Variants in TPST2 observed in about 807,000 individuals in gnomAD.
The protein encoded by TPST2 is tyrosylprotein sulfotransferase 2.
A neutral mutation model predicts 27.8 loss-of-function variants in TPST2; 16 were observed. The ratio of observed to expected loss-of-function variants is 0.58; its 90% CI spans 0.39 to 0.88. The LOEUF (loss-of-function observed/expected upper bound fraction) is 0.88. Among genes scored for constraint, TPST2 ranks in the 40% least tolerant of loss-of-function variants. The pLI, the probability that TPST2 is intolerant of heterozygous loss-of-function variation, is 0.00. For missense variants in TPST2, 464 were observed against 543.1 expected (o/e 0.85, Z 1.45); for synonymous variants, 229 against 231.7 (o/e 0.99, Z 0.10).
intron 1 of TPST2, among the ~76,000 whole-genome samples, chr22:26,559,443 T>C (rs1255872144): frequency 2.6e-5 from 4 of 151,236 alleles, no homozygotes; most frequent in East Asian, 3.9e-4. Context: ...CACAGGTTTC[T>C]AGTATGTGCA....
At chr22:26,552,551 G>A (rs1293758883) in intron 1 of TPST2, among the ~76,000 whole-genome samples, 2 of 152,070 alleles carry the variant, frequency 1.3e-5, no homozygotes, top group Non-Finnish European at 2.9e-5. Flanking sequence ...CTCTCTTGGG[G>A]GTAGGCAAGC....
At chr22:26,527,073 T>G (rs1308896581) in intron 6 of TPST2, among the ~76,000 whole-genome samples, 1 of 152,188 alleles carries the variant, frequency 6.6e-6, no homozygotes, top group Non-Finnish European at 1.5e-5. Flanking sequence ...GGTGAGACTC[T>G]GTCTCAAAAA....
Position 26,541,032 on chromosome 22 carries a change from G to A in TPST2, c.599C>T (p.Ala200Val), listed in dbSNP as rs781353266. 18 of 1,613,906 alleles carry A rather than the reference G, an allele frequency of 1.1e-5. No individual in the cohort carries two copies. The highest frequency in any genetic ancestry group is 2.2e-5 in the East Asian group (1 of 44,894). ...ACGGTAGCTGCTGAGGTCAAAGCCC[G>A]CAATGGTGACTTTGCGCGTGATCAT... ...HSMITRKVTI[A>V]GFDLSSYRDC... Residue 200 changes from alanine (A) to valine (V), a missense_variant, in exon 3 of 7, where the codon GCG becomes GTG. Ala to Val is a moderately conservative substitution (Grantham distance 64, BLOSUM62 0). Coordinates refer to ENST00000338754, the MANE Select transcript of TPST2 (RefSeq NM_003595.5). This position sits in a 1 kb window ranked among gnomAD's most constrained non-coding sequence, Gnocchi z 5.9.
At chr22:26,534,263 T>C (rs1209078602) in intron 4 of TPST2, among the ~76,000 whole-genome samples, 1 of 152,108 alleles carries the variant, frequency 6.6e-6, no homozygotes, top group Non-Finnish European at 1.5e-5. Context: ...TCCACAGCAC[T>C]CACAGAAGCA....
At chr22:26,574,113 A>C (rs1021105372) in intron 1 of TPST2, among the ~76,000 whole-genome samples, 2 of 152,104 alleles carry the variant, frequency 1.3e-5, no homozygotes, top group Non-Finnish European at 2.9e-5. Context: ...GTTTTATGGA[A>C]AGTATTTCCA....
At chr22:26,569,980 G>GA (rs1223066565) in intron 1 of TPST2, among the ~76,000 whole-genome samples, 1 of 19,952 alleles carries the variant, frequency 5.0e-5, no homozygotes. Flanking sequence ...AAGAAAGAAA[G>GA]AAAAGAAAGA....
chr22:26,553,962 C>T (rs967227004), intron 1 of TPST2, among the ~76,000 whole-genome samples: 1 of 152,124 alleles, frequency 6.6e-6, no homozygotes, highest in African/African-American at 2.4e-5. Context: ...GATCCACTGT[C>T]GGCTGAATCC....
intron 1 of TPST2, among the ~76,000 whole-genome samples, chr22:26,571,688 G>A (rs1351733822): frequency 6.6e-6 from 1 of 152,172 alleles, no homozygotes; most frequent in Non-Finnish European, 1.5e-5. Context: ...ATGCTTGACA[G>A]CATTTCAAAC....
chr22:26,555,201 C>T (rs750378876), intron 1 of TPST2: 13 of 533,770 alleles, frequency 2.4e-5, no homozygotes, highest in Non-Finnish European at 4.6e-5. Context: ...TGTGAAACAC[C>T]GCTTAAGGCA....
At chr22:26,561,600 T>C (rs190993810) in intron 1 of TPST2, among the ~76,000 whole-genome samples, 443 of 152,300 alleles carry the variant, frequency 2.9e-3, no homozygotes, top group African/African-American at 0.011. Context: ...TCTAAGTAAA[T>C]ACAATTTTTT....
intron 1 of TPST2, among the ~76,000 whole-genome samples, chr22:26,586,998 TG>T (rs1178296361): frequency 6.6e-6 from 1 of 152,178 alleles, no homozygotes; most frequent in African/African-American, 2.4e-5. Flanking sequence ...ATCTCAGGCC[TG>T]GGGGGTGGCC....
At chr22:26,586,411 G>C (rs1339150816) in intron 1 of TPST2, among the ~76,000 whole-genome samples, 1 of 152,020 alleles carries the variant, frequency 6.6e-6, no homozygotes, top group Non-Finnish European at 1.5e-5. Flanking sequence ...CACCACGCCT[G>C]GCTAATTTTT....
At chr22:26,546,076 C>CAAAA (rs756682739) in intron 1 of TPST2, among the ~76,000 whole-genome samples, 1 of 69,784 alleles carries the variant, frequency 1.4e-5, no homozygotes, top group Non-Finnish European at 2.9e-5. Flanking sequence ...GACCACGTCT[C>CAAAA]AAAAAAAAAA....
intron 2 of TPST2, chr22:26,543,219 C>T (rs918331228): frequency 6.6e-6 from 1 of 152,188 alleles, no homozygotes; most frequent in Admixed American, 6.5e-5. Flanking sequence ...TTCAGAAAAA[C>T]GTGCTGATGA....
chr22:26,584,763 T>C (rs1343570883), intron 1 of TPST2, among the ~76,000 whole-genome samples: 2 of 152,152 alleles, frequency 1.3e-5, no homozygotes, highest in Non-Finnish European at 2.9e-5. Flanking sequence ...CTTGTGCAAA[T>C]TACTTCACCT....
Position 26,523,260 on chromosome 22 carries a change from G to A in TPST2, c.*3015C>T, listed in dbSNP as rs866614456. 12 of 152,176 alleles carry A rather than the reference G, an allele frequency of 7.9e-5. No homozygotes were observed. Among genetic ancestry groups the A allele is most frequent in the South Asian group, 2.1e-4 (1 of 4,834 alleles). The allele number at this position is 152,176 out of a possible 1,614,324, so 9.4% of individuals were successfully genotyped here. A position where few individuals can be genotyped will look rare whatever the true frequency, so the allele number is the denominator to read the frequency against. On this transcript the variant is annotated 3_prime_UTR_variant, in exon 7 of 7. Coordinates refer to ENST00000338754, the MANE Select transcript of TPST2 (RefSeq NM_003595.5). ...ATTTTGGAATAACCTATTCAAAATG[G>A]TTTTTTCCATACGTCTTTAAGATGA... is the stretch of plus-strand genomic sequence containing the variant.
chr22:26,573,899 C>T (rs528278603), intron 1 of TPST2, among the ~76,000 whole-genome samples: 1 of 152,244 alleles, frequency 6.6e-6, no homozygotes, highest in African/African-American at 2.4e-5. Flanking sequence ...ATATCTTCTT[C>T]GTTTTCACTC....
At chr22:26,579,607 G>A (rs544305852) in intron 1 of TPST2, among the ~76,000 whole-genome samples, 7 of 152,358 alleles carry the variant, frequency 4.6e-5, no homozygotes, top group African/African-American at 1.4e-4. Flanking sequence ...GGCTCTGCAA[G>A]GGTCCGGATG....
Position 26,541,626 on chromosome 22 carries a change from C to G in TPST2, c.5G>C (p.Arg2Pro). 1 of 1,572,440 alleles carries G rather than the reference C, an allele frequency of 6.4e-7. No homozygotes were observed. The highest frequency in any genetic ancestry group is 8.6e-7 in the Non-Finnish European group (1 of 1,164,698). Residue 2 changes from arginine to proline, a missense_variant, in exon 3 of 7, where the codon CGC becomes CCC. Physicochemically the swap from Arg to Pro is moderately radical, Grantham distance 103. Transcript: ENST00000338754. This position sits in a 1 kb window ranked among gnomAD's most constrained non-coding sequence, Gnocchi z 5.9. The stretch of plus-strand genomic sequence containing the variant: ...CAGCAGCACCCTCCGCACCGACAGG[C>G]GCATGCTGGGCCGGAGGCAGGGTAG... M[R>P]LSVRRVLLAA... is the part of the protein sequence containing the mutation.
Sources: allele counts gnomAD v4.1 joint callset (sites outside exome capture counted in the v4.1 genomes callset), GRCh38; gene constraint gnomAD v4.1.1; non-coding constraint Gnocchi (gnomAD v3.1); transcripts MANE v1.5; gene names NCBI Gene and HGNC (gene_info 2026-07-23, HGNC 2026-07-21).